The following DNAI4 variants were observed in gnomAD, a reference collection of about 807,000 sequenced individuals.
DNAI4 encodes the protein WD repeat domain 78.
Under a neutral mutation model 105.8 loss-of-function variants are expected in DNAI4, and 85 were observed. The ratio of observed to expected loss-of-function variants is 0.80; its 90% CI spans 0.67 to 0.96. DNAI4 has a LOEUF of 0.96. Among genes scored for constraint, DNAI4 ranks in the 40% least tolerant of loss-of-function variants. DNAI4 has a pLI of 0.00. For missense variants in DNAI4, 1,014 were observed against 1,005.6 expected (o/e 1.01, Z -0.11); for synonymous variants, 352 against 331.5 (o/e 1.06, Z -0.67).
chr1:66,851,806 T>A (rs1390708220), intron 7 of DNAI4, among the ~76,000 whole-genome samples: 1 of 151,884 alleles, frequency 6.6e-6, no homozygotes, highest in African/African-American at 2.4e-5. Flanking sequence ...ATTTACAGCA[T>A]TAAATGTATA....
chr1:66,894,706 T>A (rs1176075188), intron 2 of DNAI4, among the ~76,000 whole-genome samples: 1 of 152,170 alleles, frequency 6.6e-6, no homozygotes, highest in East Asian at 1.9e-4. Flanking sequence ...TTTTTGAAAA[T>A]CCTGTCCTTT....
At chr1:66,916,891 T>TC (rs1213079357) in intron 1 of DNAI4, among the ~76,000 whole-genome samples, 1 of 150,734 alleles carries the variant, frequency 6.6e-6, no homozygotes, top group Non-Finnish European at 1.5e-5. Flanking sequence ...ATTTTTGCCT[T>TC]TTTTTTTTAA....
chr1:66,857,465 C>T (rs1457236740), intron 7 of DNAI4, among the ~76,000 whole-genome samples: 5 of 151,358 alleles, frequency 3.3e-5, no homozygotes, highest in African/African-American at 7.3e-5. Flanking sequence ...TGCACATGTG[C>T]CCTATAACTT....
chr1:66,840,663 G>C lies in DNAI4; in HGVS notation c.1300C>G (p.Pro434Ala), dbSNP rs1245213954. The stretch of plus-strand genomic sequence containing the variant: ...TCTAAAACATCTTCAGGCTCTTCAG[G>C]TTCAGGTTCTAAAGTTTAAACAAAT... ...RQLPVLKEPE[P>A]EEPEDVLESA... The change falls in exon 9 of 17, where the codon CCT becomes GCT. Residue 434 changes from proline (P) to alanine (A), a missense_variant. Transcript: ENST00000371026. 6.2e-7 allele frequency: 1 copy of C among 1,613,868 alleles called. No individual in the cohort carries two copies. The highest frequency in any genetic ancestry group is 1.3e-5 in the African/African-American group (1 of 74,854).
At chr1:66,821,846 T>G (rs1433644635) in intron 16 of DNAI4, among the ~76,000 whole-genome samples, 5 of 152,174 alleles carry the variant, frequency 3.3e-5, no homozygotes, top group African/African-American at 9.6e-5. Context: ...TTGAAAACTT[T>G]TTTTAAATAA....
chr1:66,896,378 A>G (rs1331146838), intron 2 of DNAI4, among the ~76,000 whole-genome samples: 1 of 152,224 alleles, frequency 6.6e-6, no homozygotes, highest in East Asian at 1.9e-4. Context: ...ATAGCTTTTA[A>G]TATGTTCACA....
intron 4 of DNAI4, among the ~76,000 whole-genome samples, chr1:66,876,592 G>A (rs1646963834): frequency 6.6e-6 from 1 of 152,002 alleles, no homozygotes; most frequent in African/African-American, 2.4e-5. Context: ...CTGGAGTTCT[G>A]TATCACCCAT....
chr1:66,834,071 C>G lies in DNAI4; in HGVS notation c.1811G>C (p.Gly604Ala), dbSNP rs1325754471. The G allele has an allele frequency of 6.2e-7, 1 of 1,612,574 alleles. No homozygotes were observed. The highest frequency in any genetic ancestry group is 8.5e-7 in the Non-Finnish European group (1 of 1,179,340). Residue 604 changes from glycine to alanine, a missense_variant, in exon 12 of 17, where the codon GGC (glycine) becomes GCC (alanine). By Grantham distance (60) the Gly-to-Ala change is moderately conservative. Coordinates refer to ENST00000371026, the MANE Select transcript of DNAI4 (RefSeq NM_024763.5). ...TATAGAAACTAGTATTTCTCTTTTG[C>G]CATCTCCTGTTGTTCCTCGATCTTG... ...IEQDRGTTGD[G>A]KREILVSISA...
chr1:66,907,018 T>C (rs971150913), intron 1 of DNAI4: 1 of 152,168 alleles, frequency 6.6e-6, no homozygotes, highest in South Asian at 2.1e-4. Flanking sequence ...CTTTTCCCTG[T>C]GAGCATAAAA....
chr1:66,920,464 T>C (rs1045198592), intron 1 of DNAI4, among the ~76,000 whole-genome samples: 2 of 152,196 alleles, frequency 1.3e-5, no homozygotes, highest in Non-Finnish European at 2.9e-5. Context: ...ACTTACGCTG[T>C]CTGTAGATGG....
chr1:66,892,694 T>G (rs967139834), intron 3 of DNAI4, among the ~76,000 whole-genome samples: 4 of 151,858 alleles, frequency 2.6e-5, no homozygotes, highest in Non-Finnish European at 5.9e-5. Context: ...TCACCTGAGG[T>G]CAGGAGTTCG....
At chr1:66,859,849 A>G (rs541995963) in intron 7 of DNAI4, among the ~76,000 whole-genome samples, 3 of 152,210 alleles carry the variant, frequency 2.0e-5, no homozygotes, top group South Asian at 4.1e-4. Flanking sequence ...GATATTTAGG[A>G]CAGTGAAACT....
At chr1:66,901,921 A>G (rs946527981) in intron 2 of DNAI4, among the ~76,000 whole-genome samples, 1 of 152,142 alleles carries the variant, frequency 6.6e-6, no homozygotes, top group African/African-American at 2.4e-5. Context: ...ATCTAGGACT[A>G]CAGGCTTTTG....
At chr1:66,835,800 T>C in intron 10 of DNAI4, 23 bp from the exon 11 acceptor site, 8 of 1,594,326 alleles carry the variant, frequency 5.0e-6, no homozygotes, top group Non-Finnish European at 6.9e-6. Context: ...AAATTACATT[T>C]TCAATTTGTT....
At chr1:66,908,337 G>C (rs1649411171) in intron 1 of DNAI4, among the ~76,000 whole-genome samples, 1 of 152,112 alleles carries the variant, frequency 6.6e-6, no homozygotes, top group African/African-American at 2.4e-5. Context: ...GCATGCACTT[G>C]TCAAATGCAA....
At chr1:66,851,922 T>C (rs1646405149) in intron 7 of DNAI4, among the ~76,000 whole-genome samples, 1 of 150,994 alleles carries the variant, frequency 6.6e-6, no homozygotes, top group South Asian at 2.1e-4. Context: ...AGGAAGAAAA[T>C]AGAAGAGAAG....
chr1:66,892,781 G>A (rs898257399), intron 3 of DNAI4, among the ~76,000 whole-genome samples: 17 of 151,510 alleles, frequency 1.1e-4, no homozygotes, highest in African/African-American at 9.7e-5. Context: ...GTGGGGGGGC[G>A]CCTGTAATCC....
intron 2 of DNAI4, among the ~76,000 whole-genome samples, chr1:66,900,659 A>T (rs2100812077): frequency 6.6e-6 from 1 of 152,170 alleles, no homozygotes; most frequent in African/African-American, 2.4e-5. Flanking sequence ...ACTGTTTTTG[A>T]TGCTATTGTG....
chr1:66,854,265 C>T (rs997418004), intron 7 of DNAI4, among the ~76,000 whole-genome samples: 2 of 152,044 alleles, frequency 1.3e-5, no homozygotes, highest in Admixed American at 6.6e-5. Flanking sequence ...GTGGTAAACA[C>T]CTGTAGTCCC....
Sources: allele counts gnomAD v4.1 joint callset (sites outside exome capture counted in the v4.1 genomes callset), GRCh38; gene constraint gnomAD v4.1.1; transcripts MANE v1.5; gene names NCBI Gene and HGNC (gene_info 2026-07-23, HGNC 2026-07-21).